Variants in PAWR observed in about 807,000 individuals in gnomAD.
PAWR encodes the protein PRKC apoptosis WT1 regulator protein.
A neutral mutation model predicts 32.0 loss-of-function variants in PAWR; 23 were observed. The observed-to-expected ratio is 0.72, with a 90% CI of 0.52 to 1.02. PAWR has a LOEUF of 1.02. Among genes scored for constraint, PAWR ranks in the 50% least tolerant of loss-of-function variants. PAWR has a pLI of 0.00. For synonymous variants in PAWR, 226 were observed against 187.1 expected (o/e 1.21, Z -1.70); for missense variants, 457 against 437.7 (o/e 1.04, Z -0.39).
At chr12:79,680,864 C>T (rs1878406545) in intron 2 of PAWR, among the ~76,000 whole-genome samples, 1 of 151,770 alleles carries the variant, frequency 6.6e-6, no homozygotes, top group African/African-American at 2.4e-5. Flanking sequence ...CACCTGTAAT[C>T]CCAACAACAC....
Position 79,673,002 on chromosome 12 carries a change from T to C in PAWR, c.516+16727A>G, listed in dbSNP as rs965564505. ...AAAATAATGAAAAATGATTACTTAA[T>C]ATTATCAAATATCAAGTTAGATGTC... is the stretch of plus-strand genomic sequence containing the variant. On this transcript the variant is annotated intron_variant, in intron 2 of 6. Coordinates refer to ENST00000328827, the MANE Select transcript of PAWR (RefSeq NM_002583.4). Among the ~76,000 whole-genome samples the C allele has an allele frequency of 6.6e-5, 10 of 152,178 alleles. 1 individual carries two copies. The highest frequency in any genetic ancestry group is 1.5e-4 in the Non-Finnish European group (10 of 68,022).
intron 2 of PAWR, among the ~76,000 whole-genome samples, chr12:79,683,296 T>C (rs926009209): frequency 1.3e-5 from 2 of 152,236 alleles, no homozygotes; most frequent in South Asian, 2.1e-4. Flanking sequence ...TATAACATTT[T>C]CACAAACATC....
Position 79,690,648 on chromosome 12 carries a change from A to G in PAWR, c.-148+224T>C, listed in dbSNP as rs540148254. 4.4e-3 allele frequency: 631 copies of G among 142,878 alleles called. 12 individuals carry two copies. Among genetic ancestry groups the G allele is most frequent in the African/African-American group, 0.016 (596 of 38,034 alleles). 8.9% of individuals were successfully genotyped at this position (142,878 alleles called of 1,614,324 possible). ...TCGGCCCGCCCGCCCCATCCCCACC[A>G]AGGTCCGCGCCGGCGGCGGTCGAGA... On this transcript the variant is annotated intron_variant, in intron 1 of 6. Transcript: ENST00000328827.
chr12:79,605,972 G>A (rs574421522), intron 4 of PAWR, among the ~76,000 whole-genome samples: 1 of 152,224 alleles, frequency 6.6e-6, no homozygotes, highest in African/African-American at 2.4e-5. Context: ...TGCTTGGGAG[G>A]CTGAGGGACA....
At position 79,592,016 on chromosome 12, in the gene PAWR, C is replaced by A. The variant is rs1372421308; in HGVS notation, c.*591G>T. The A allele has an allele frequency of 6.6e-6, 1 of 152,478 alleles. No individual in the cohort carries two copies. Among genetic ancestry groups the A allele is most frequent in the African/African-American group, 2.4e-5 (1 of 41,410 alleles). The allele number at this position is 152,478 out of a possible 1,614,324, so 9.4% of individuals were successfully genotyped here. A position where few individuals can be genotyped will look rare whatever the true frequency, so the allele number is the denominator to read the frequency against. ...TTTACTATAGCACAATTCAAGTATT[C>A]TCTTAAATTTATATTTAGTCAACTA... On this transcript the variant is annotated 3_prime_UTR_variant, in exon 7 of 7. Transcript: ENST00000328827.
At chr12:79,632,620 C>A (rs935250185) in intron 2 of PAWR, among the ~76,000 whole-genome samples, 1 of 151,470 alleles carries the variant, frequency 6.6e-6, no homozygotes, top group African/African-American at 2.4e-5. Flanking sequence ...TCACCTGCCT[C>A]AGTCTCACAA....
intron 4 of PAWR, among the ~76,000 whole-genome samples, chr12:79,610,893 C>G (rs1029897697): frequency 6.6e-6 from 1 of 150,742 alleles, no homozygotes; most frequent in Non-Finnish European, 1.5e-5. Flanking sequence ...TAGTTCCCTA[C>G]AGTTAAACAC....
chr12:79,635,930 A>G (rs1034074925), intron 2 of PAWR, among the ~76,000 whole-genome samples: 2 of 152,156 alleles, frequency 1.3e-5, no homozygotes, highest in Non-Finnish European at 2.9e-5. Context: ...TGTTTGGTAG[A>G]GACTAGACTG....
At chr12:79,631,014 T>C (rs1393752543) in intron 2 of PAWR, among the ~76,000 whole-genome samples, 1 of 152,102 alleles carries the variant, frequency 6.6e-6, no homozygotes, top group Non-Finnish European at 1.5e-5. Flanking sequence ...GTAAAACACT[T>C]TGTTTAACCT....
chr12:79,674,906 C>T (rs1299542950), intron 2 of PAWR, among the ~76,000 whole-genome samples: 1 of 152,142 alleles, frequency 6.6e-6, no homozygotes, highest in Non-Finnish European at 1.5e-5. Flanking sequence ...AGCCAAAAAT[C>T]CACAGATGTT....
intron 4 of PAWR, among the ~76,000 whole-genome samples, chr12:79,607,887 C>T (rs113136610): frequency 0.019 from 2,861 of 151,510 alleles, 102 homozygotes; most frequent in African/African-American, 0.065. Context: ...CCGTCTCTAC[C>T]AAAAATACAA....
intron 2 of PAWR, among the ~76,000 whole-genome samples, chr12:79,663,943 T>C (rs1010029069): frequency 1.3e-5 from 2 of 152,016 alleles, no homozygotes; most frequent in Non-Finnish European, 1.5e-5. Context: ...CAAAAATAAA[T>C]CCAACTACAA....
At chr12:79,684,536 G>A (rs1228397441) in intron 2 of PAWR, among the ~76,000 whole-genome samples, 2 of 151,934 alleles carry the variant, frequency 1.3e-5, no homozygotes, top group East Asian at 3.9e-4. Flanking sequence ...GCTTGAACCC[G>A]GGAGGTGGAG....
intron 2 of PAWR, among the ~76,000 whole-genome samples, chr12:79,622,480 C>G (rs1476667421): frequency 2.0e-5 from 3 of 152,014 alleles, no homozygotes. Context: ...ACGACAGGTC[C>G]CAGAGTGTGA....
chr12:79,662,805 T>C (rs1358571508), intron 2 of PAWR, among the ~76,000 whole-genome samples: 1 of 152,214 alleles, frequency 6.6e-6, no homozygotes, highest in Non-Finnish European at 1.5e-5. Context: ...CTCTTAGCAC[T>C]TGGCATGTGA....
intron 4 of PAWR, among the ~76,000 whole-genome samples, chr12:79,609,390 T>C (rs1256213663): frequency 6.6e-6 from 1 of 151,842 alleles, no homozygotes; most frequent in Non-Finnish European, 1.5e-5. Flanking sequence ...GGCAGGAAAA[T>C]TCTGGGCAGA....
intron 2 of PAWR, among the ~76,000 whole-genome samples, chr12:79,626,785 TGTG>T (rs1207617060): frequency 3.9e-5 from 6 of 151,964 alleles, no homozygotes; most frequent in Non-Finnish European, 8.8e-5. Flanking sequence ...TTCCCTTTCC[TGTG>T]TCCATGTGTT....
intron 2 of PAWR, among the ~76,000 whole-genome samples, chr12:79,655,284 G>A (rs1381685530): frequency 6.6e-6 from 1 of 152,180 alleles, no homozygotes; most frequent in African/African-American, 2.4e-5. Flanking sequence ...CAACCTGACA[G>A]CCCCAATTAG....
At chr12:79,675,260 C>G (rs993112843) in intron 2 of PAWR, among the ~76,000 whole-genome samples, 1 of 152,002 alleles carries the variant, frequency 6.6e-6, no homozygotes, top group African/African-American at 2.4e-5. Context: ...CACTTGTGTT[C>G]GCAGCTACTC....
Sources: allele counts gnomAD v4.1 joint callset (sites outside exome capture counted in the v4.1 genomes callset), GRCh38; gene constraint gnomAD v4.1.1; transcripts MANE v1.5; gene names NCBI Gene and HGNC (gene_info 2026-07-23, HGNC 2026-07-21).